Variants in EDAR observed in about 807,000 individuals in gnomAD.
The protein encoded by EDAR is tumor necrosis factor receptor superfamily member EDAR.
Under a neutral mutation model 51.3 loss-of-function variants are expected in EDAR, and 38 were observed. The ratio of observed to expected loss-of-function variants is 0.74; its 90% CI spans 0.57 to 0.97. The LOEUF (loss-of-function observed/expected upper bound fraction) is 0.97. EDAR is among the 50% of genes least tolerant of loss of function. The pLI, the probability that EDAR is intolerant of heterozygous loss-of-function variation, is 0.00. For synonymous variants in EDAR, 227 were observed against 242.1 expected (o/e 0.94, Z 0.58); for missense variants, 528 against 595.0 (o/e 0.89, Z 1.17).
At chr2:108,970,386 G>A (rs1272123870) in intron 1 of EDAR, among the ~76,000 whole-genome samples, 1 of 152,140 alleles carries the variant, frequency 6.6e-6, no homozygotes, top group Non-Finnish European at 1.5e-5. Context: ...AGAGAACCTG[G>A]GAGCCCAGAG....
intron 1 of EDAR, among the ~76,000 whole-genome samples, chr2:108,933,707 G>T (rs753703397): frequency 3.3e-5 from 5 of 152,206 alleles, no homozygotes; most frequent in Non-Finnish European, 7.3e-5. Context: ...CACCCCAGTG[G>T]TGAACTCGCT....
At chr2:108,953,211 G>C (rs538384963) in intron 1 of EDAR, among the ~76,000 whole-genome samples, 2 of 152,136 alleles carry the variant, frequency 1.3e-5, no homozygotes, top group Non-Finnish European at 2.9e-5. Context: ...TGGCTAAGCC[G>C]ATGCTTCAGA....
At chr2:108,921,343 A>T (rs1697135912) in intron 5 of EDAR, among the ~76,000 whole-genome samples, 1 of 152,212 alleles carries the variant, frequency 6.6e-6, no homozygotes, top group Admixed American at 6.5e-5. Context: ...TGTCATCCTC[A>T]GCCAGGGGCC....
Position 108,944,393 on chromosome 2 carries a change from C to T in EDAR, c.-18-13361G>A, listed in dbSNP as rs374901892. 7.9e-5 allele frequency among the ~76,000 whole-genome samples: 12 copies of T among 152,322 alleles called. No individual in the cohort carries two copies. The South Asian group carries it at 1.9e-3, about 24-fold the overall frequency. ...CCTCCCAAAGTGCTGGGATTACAGG[C>T]GTGAACCACCGTGCCCGGCCCAGGA... On this transcript the variant is annotated intron_variant, in intron 1 of 11. Coordinates refer to ENST00000258443, the MANE Select transcript of EDAR (RefSeq NM_022336.4).
At chr2:108,968,294 A>C (rs538607892) in intron 1 of EDAR, among the ~76,000 whole-genome samples, 1 of 152,164 alleles carries the variant, frequency 6.6e-6, no homozygotes, top group South Asian at 2.1e-4. Context: ...ACATACTTCA[A>C]CATTTAAGAT....
At position 108,896,766 on chromosome 2, in the gene EDAR, TG is replaced by T; in HGVS notation, c.*140del. 2 of 793,496 alleles carry T rather than the reference TG, an allele frequency of 2.5e-6. No individual in the cohort carries two copies. Among genetic ancestry groups the T allele is most frequent in the Non-Finnish European group, 3.9e-6 (2 of 507,636 alleles). The allele number at this position is 793,496 out of a possible 1,614,324, so 49.2% of individuals were successfully genotyped here. Reference sequence around the variant, plus strand: ...ATTGGAAGACAGGCCTTATTTCGTCTGGCTCCTTGAACATCCTAAGGCATAC... The same window carrying T: ...ATTGGAAGACAGGCCTTATTTCGTCTGCTCCTTGAACATCCTAAGGCATAC... On this transcript the variant is annotated 3_prime_UTR_variant, in exon 12 of 12. Coordinates refer to ENST00000258443, the MANE Select transcript of EDAR (RefSeq NM_022336.4).
At chr2:108,916,870 C>T (rs1024428217) in intron 5 of EDAR, among the ~76,000 whole-genome samples, 1 of 152,192 alleles carries the variant, frequency 6.6e-6, no homozygotes, top group Non-Finnish European at 1.5e-5. Flanking sequence ...TGCAGGGAGA[C>T]ACTTCTCACA....
intron 1 of EDAR, among the ~76,000 whole-genome samples, chr2:108,940,742 G>A (rs1040174742): frequency 8.5e-5 from 13 of 152,224 alleles, no homozygotes; most frequent in African/African-American, 1.2e-4. Context: ...GCTTCCAGGG[G>A]CAACAGTGCA....
chr2:108,953,392 T>C (rs527728269), intron 1 of EDAR, among the ~76,000 whole-genome samples: 1 of 152,300 alleles, frequency 6.6e-6, no homozygotes, highest in Non-Finnish European at 1.5e-5. Flanking sequence ...CCACAAATTG[T>C]AGATACTTTA....
chr2:108,934,396 G>T (rs1697428479), intron 1 of EDAR, among the ~76,000 whole-genome samples: 1 of 152,164 alleles, frequency 6.6e-6, no homozygotes, highest in Admixed American at 6.5e-5. Flanking sequence ...ATCTCCATCA[G>T]TGCCTGGCGA....
At chr2:108,957,015 C>G (rs1697939842) in intron 1 of EDAR, among the ~76,000 whole-genome samples, 1 of 152,236 alleles carries the variant, frequency 6.6e-6, no homozygotes. Context: ...GTGTCAAACT[C>G]CCGACCTCAG....
At chr2:108,930,588 G>A (rs1251855024) in intron 2 of EDAR, among the ~76,000 whole-genome samples, 4 of 152,114 alleles carry the variant, frequency 2.6e-5, no homozygotes, top group Non-Finnish European at 5.9e-5. Context: ...CTAATACAGT[G>A]GCTTCTCAGA....
chr2:108,971,648 G>C (rs1301002556), intron 1 of EDAR, among the ~76,000 whole-genome samples: 1 of 152,186 alleles, frequency 6.6e-6, no homozygotes, highest in African/African-American at 2.4e-5. Flanking sequence ...TCATTTTATG[G>C]AAGAAGAAAC....
Position 108,895,151 on chromosome 2 carries a change from A to G in EDAR, c.*1756T>C, listed in dbSNP as rs987227738. 2 of 152,672 alleles carry G rather than the reference A, an allele frequency of 1.3e-5. No homozygotes were observed. Among genetic ancestry groups the G allele is most frequent in the African/African-American group, 4.8e-5 (2 of 41,456 alleles). The allele number at this position is 152,672 out of a possible 1,614,324, so 9.5% of individuals were successfully genotyped here. On this transcript the variant is annotated 3_prime_UTR_variant, in exon 12 of 12. Transcript: ENST00000258443. ...ATAGGTTCGAAAAACAGCAGCAAAC[A>G]GACACAGTAAATGATGATATTAAAT...
intron 5 of EDAR, among the ~76,000 whole-genome samples, chr2:108,920,896 G>A (rs1697123657): frequency 6.6e-6 from 1 of 152,168 alleles, no homozygotes; most frequent in South Asian, 2.1e-4. Context: ...GCTGCCCGGG[G>A]CAGGAGAGGA....
chr2:108,901,059 C>CCA (rs1462471291), intron 11 of EDAR, among the ~76,000 whole-genome samples: 1 of 152,142 alleles, frequency 6.6e-6, no homozygotes, highest in Non-Finnish European at 1.5e-5. Flanking sequence ...ATTTATAGAA[C>CCA]ACTCCATTCA....
At chr2:108,947,661 T>C (rs1037563547) in intron 1 of EDAR, among the ~76,000 whole-genome samples, 1 of 152,246 alleles carries the variant, frequency 6.6e-6, no homozygotes, top group Non-Finnish European at 1.5e-5. Flanking sequence ...GCCTGAGCTG[T>C]ACCTTGGCCC....
chr2:108,914,499 G>A (rs1696991307), intron 5 of EDAR, among the ~76,000 whole-genome samples: 1 of 152,116 alleles, frequency 6.6e-6, no homozygotes, highest in Admixed American at 6.6e-5. Flanking sequence ...TGGAAAAAGT[G>A]TGACTTAGCG....
At chr2:108,903,446 AAAAT>A (rs1696742757) in intron 11 of EDAR, among the ~76,000 whole-genome samples, 2 of 152,176 alleles carry the variant, frequency 1.3e-5, no homozygotes, top group Admixed American at 6.5e-5. Flanking sequence ...TTTTGAAAAA[AAAAT>A]AAAGGAAAAT....
Sources: gnomAD v4.1 joint callset for allele counts (sites outside exome capture counted in the v4.1 genomes callset) on GRCh38, gnomAD v4.1.1 for gene constraint, MANE v1.5 for transcripts, NCBI Gene and HGNC (gene_info 2026-07-23, HGNC 2026-07-21) for gene names.